Variants in SRGAP1 observed in about 807,000 individuals in gnomAD.
The protein encoded by SRGAP1 is SLIT-ROBO Rho GTPase activating protein 1, also known as SLIT-ROBO Rho GTPase-activating protein 1.
A neutral mutation model predicts 121.9 loss-of-function variants in SRGAP1; 43 were observed. The ratio of observed to expected loss-of-function variants is 0.35; its 90% CI spans 0.28 to 0.46. The LOEUF (loss-of-function observed/expected upper bound fraction) is 0.46. Ranked by LOEUF, SRGAP1 falls within the 20% of genes least tolerant of loss-of-function variation. SRGAP1 has a pLI of 1.00. For synonymous variants in SRGAP1, 447 were observed against 485.4 expected, an observed-to-expected ratio of 0.92 and a Z score of 1.04; for missense variants, 1,102 against 1,350.9, an observed-to-expected ratio of 0.82 and a Z score of 2.89.
chr12:64,102,635 G>C (rs1336438124), intron 15 of SRGAP1, among the ~76,000 whole-genome samples: 1 of 152,154 alleles, frequency 6.6e-6, no homozygotes, highest in African/African-American at 2.4e-5. Context: ...AGATTTGCCT[G>C]TTCTGGCCGT....
intron 7 of SRGAP1, 103 bp downstream of exon 7, chr12:64,063,241 T>A: frequency 9.3e-7 from 1 of 1,078,448 alleles, no homozygotes; most frequent in Admixed American, 2.4e-5. Flanking sequence ...TTGTTTTCTC[T>A]CTCCTGTCCT....
At position 64,104,531 on chromosome 12, in the gene SRGAP1, G is replaced by A. The variant is rs147617951; in HGVS notation, c.1814-4401G>A. ...GCTAGGAACACACATTCATCAGGGT[G>A]TCAGCAGCAACCATAAATTTTGCCC... On this transcript the variant is annotated intron_variant, in intron 15 of 21. Coordinates refer to ENST00000355086, the MANE Select transcript of SRGAP1 (RefSeq NM_020762.4). Among the ~76,000 whole-genome samples, 1,223 of 152,330 alleles carry A rather than the reference G, an allele frequency of 8.0e-3. 13 individuals are homozygous for A. Among genetic ancestry groups the A allele is most frequent in the African/African-American group, 0.027 (1,142 of 41,566 alleles).
chr12:63,945,936 CA>C (rs2032031539), intron 1 of SRGAP1, among the ~76,000 whole-genome samples: 1 of 151,990 alleles, frequency 6.6e-6, no homozygotes, highest in African/African-American at 2.4e-5. Context: ...CTACCTAGTT[CA>C]CCCACACATA....
At chr12:63,933,590 T>G (rs989637117) in intron 1 of SRGAP1, among the ~76,000 whole-genome samples, 8 of 152,168 alleles carry the variant, frequency 5.3e-5, no homozygotes, top group African/African-American at 1.9e-4. Flanking sequence ...ATCTAATAAA[T>G]GCTATTTAGA....
intron 3 of SRGAP1, among the ~76,000 whole-genome samples, chr12:63,991,760 A>G (rs961259163): frequency 2.6e-5 from 4 of 152,202 alleles, no homozygotes; most frequent in African/African-American, 4.8e-5. Context: ...CCAAATTTGT[A>G]TGGCACTATA....
At chr12:63,936,122 A>T (rs1360165200) in intron 1 of SRGAP1, among the ~76,000 whole-genome samples, 1 of 150,344 alleles carries the variant, frequency 6.7e-6, no homozygotes, top group African/African-American at 2.5e-5. Flanking sequence ...TTATTTTTTT[A>T]AAAAGAGACT....
chr12:64,097,155 TAGC>T, intron 14 of SRGAP1, 83 bp from the exon 15 acceptor site: 3 of 1,348,432 alleles, frequency 2.2e-6, no homozygotes, highest in Non-Finnish European at 3.0e-6. Flanking sequence ...CATGTATATA[TAGC>T]AACGTGTATG....
intron 3 of SRGAP1, among the ~76,000 whole-genome samples, chr12:64,011,659 G>A (rs562965177): frequency 6.6e-6 from 1 of 152,206 alleles, no homozygotes; most frequent in South Asian, 2.1e-4. Flanking sequence ...ATTGGAAACA[G>A]TACACTTAAA....
At chr12:64,101,998 C>A (rs1234975115) in intron 15 of SRGAP1, among the ~76,000 whole-genome samples, 1 of 152,136 alleles carries the variant, frequency 6.6e-6, no homozygotes, top group Non-Finnish European at 1.5e-5. Flanking sequence ...AACCAAAATT[C>A]CATAATTCCA....
At chr12:64,070,562 A>G (rs2035620173) in intron 8 of SRGAP1, among the ~76,000 whole-genome samples, 3 of 152,350 alleles carry the variant, frequency 2.0e-5, no homozygotes, top group South Asian at 2.1e-4. Context: ...AGAGAAGCCC[A>G]TAATTTCTCA....
intron 1 of SRGAP1, among the ~76,000 whole-genome samples, chr12:63,965,270 G>A (rs538512212): frequency 2.6e-4 from 40 of 152,124 alleles, no homozygotes; most frequent in African/African-American, 9.2e-4. Flanking sequence ...CACATCATTG[G>A]GTTTTGGAAA....
At position 63,983,815 on chromosome 12, in the gene SRGAP1, TA is replaced by T. The variant is rs2033329025; in HGVS notation, c.68-131del. 2.3e-4 allele frequency: 9 copies of T among 38,900 alleles called. 2 individuals carry two copies. The highest frequency in any genetic ancestry group is 7.3e-4 in the African/African-American group (7 of 9,598). The allele number at this position is 38,900 out of a possible 1,614,324, so 2.4% of individuals were successfully genotyped here. On this transcript the variant is annotated intron_variant, in intron 1 of 21. Coordinates refer to ENST00000355086, the MANE Select transcript of SRGAP1 (RefSeq NM_020762.4). Reference sequence around the variant, plus strand: ...CATTTAAAATATATATATATATATATATATATATATATATATATATATATAT... The same window carrying T: ...CATTTAAAATATATATATATATATATTATATATATATATATATATATATAT...
In SRGAP1 at chr12:64,122,097, G is replaced by C. The variant is rs183946058; in HGVS notation, c.2225-3880G>C. Among the ~76,000 whole-genome samples, 14 of 152,258 alleles carry C rather than the reference G, an allele frequency of 9.2e-5. No homozygotes were observed. The East Asian group carries it at 2.5e-3, about 27-fold the overall frequency. On this transcript the variant is annotated intron_variant, in intron 18 of 21. Coordinates refer to ENST00000355086, the MANE Select transcript of SRGAP1 (RefSeq NM_020762.4). ...GTCAGCAACAGCAAGGTTCCAAAGA[G>C]AAAGTGTGATCACATTTTATATAAC...
At chr12:64,090,782 G>T (rs1031293086) in intron 11 of SRGAP1, among the ~76,000 whole-genome samples, 38 of 152,182 alleles carry the variant, frequency 2.5e-4, no homozygotes, top group African/African-American at 8.4e-4. Flanking sequence ...GGAGGCTGCA[G>T]TGAGCCATGA....
intron 1 of SRGAP1, among the ~76,000 whole-genome samples, chr12:63,926,771 A>G (rs1394762892): frequency 2.6e-5 from 4 of 152,312 alleles, no homozygotes; most frequent in Non-Finnish European, 5.9e-5. Context: ...CCTGATGTAC[A>G]GTAGGTCTCA....
chr12:64,078,348 A>G (rs2035773931), intron 8 of SRGAP1, among the ~76,000 whole-genome samples: 1 of 152,246 alleles, frequency 6.6e-6, no homozygotes. Flanking sequence ...CTCACAAGAA[A>G]TGAGTGTATC....
rs147336442 is a variant in SRGAP1, at chr12:63,917,279, C to T, written c.68-66668C>T. Among the ~76,000 whole-genome samples the T allele has an allele frequency of 4.3e-3, 650 of 152,148 alleles. 3 individuals carry two copies. Among genetic ancestry groups the T allele is most frequent in the Middle Eastern group, 0.01 (3 of 294 alleles). On this transcript the variant is annotated intron_variant, in intron 1 of 21. Coordinates refer to ENST00000355086, the MANE Select transcript of SRGAP1 (RefSeq NM_020762.4). The stretch of plus-strand genomic sequence containing the variant: ...TTATTCATCTGGGATTCTCCTGAGT[C>T]GTCGGAACCCCTGGGCTGTCCTTTG...
In SRGAP1 at chr12:64,097,380, G is replaced by C. The variant is rs763909456; in HGVS notation, c.1813+5G>C. Reference sequence around the variant, plus strand: ...ACGATCTGATTTCTTGTATCAGTAAGTGGACATTTTTTTCATCTTTTCCCA... The same window carrying C: ...ACGATCTGATTTCTTGTATCAGTAACTGGACATTTTTTTCATCTTTTCCCA... On this transcript the variant is annotated splice_donor_5th_base_variant and intron_variant, in intron 15 of 21. Transcript: ENST00000355086. 6.2e-7 allele frequency: 1 copy of C among 1,603,222 alleles called. No individual in the cohort carries two copies. The highest frequency in any genetic ancestry group is 8.5e-7 in the Non-Finnish European group (1 of 1,177,362).
chr12:64,075,714 T>C (rs967044501), intron 8 of SRGAP1, among the ~76,000 whole-genome samples: 15 of 152,340 alleles, frequency 9.8e-5, no homozygotes, highest in African/African-American at 3.6e-4. Context: ...CTCCTTAAAG[T>C]AATTAATTAC....
Sources: allele counts gnomAD v4.1 joint callset (sites outside exome capture counted in the v4.1 genomes callset), GRCh38; gene constraint gnomAD v4.1.1; transcripts MANE v1.5; gene names NCBI Gene and HGNC (gene_info 2026-07-23, HGNC 2026-07-21).